DYSF: variants seen among roughly 807,000 people sequenced by gnomAD.
DYSF encodes dysferlin.
In DYSF, 212 loss-of-function variants were observed where a neutral mutation model predicts 274.9. The ratio of observed to expected loss-of-function variants is 0.77; its 90% CI spans 0.69 to 0.86. The LOEUF is 0.86. Ranked by LOEUF, DYSF falls within the 40% of genes least tolerant of loss-of-function variation. The pLI is 0.00. For missense variants in DYSF, 2,666 were observed against 2,783.2 expected, an observed-to-expected ratio of 0.96 and a Z score of 0.95; for synonymous variants, 1,091 against 1,078.7, an observed-to-expected ratio of 1.01 and a Z score of -0.22.
At chr2:71,527,454 T>C (rs183304433) in intron 13 of DYSF, among the ~76,000 whole-genome samples, 56 of 152,206 alleles carry the variant, frequency 3.7e-4, no homozygotes, top group Non-Finnish European at 2.5e-4. Context: ...CTAAAACACA[T>C]GCTTAAAAAT....
In DYSF at chr2:71,515,747, A is replaced by G. The variant is rs777785781; in HGVS notation, c.884A>G (p.Asn295Ser). 24 of 1,614,016 alleles carry G rather than the reference A, an allele frequency of 1.5e-5. No homozygotes were observed. Among genetic ancestry groups the G allele is most frequent in the Non-Finnish European group, 1.7e-5 (20 of 1,180,026 alleles). The stretch of plus-strand genomic sequence containing the variant: ...CACAAGGGAAACAGCCCACTCTTCA[A>G]TGAGGTGGGAGACATGGGGCATGAG... ...RIHKGNSPLFNETLFFNLFDS... is the reference protein window; with the variant it reads ...RIHKGNSPLFSETLFFNLFDS... Residue 295 changes from asparagine (N) to serine (S), a missense_variant, in exon 8 of 56, where the codon AAT becomes AGT. Physicochemically the swap from Asn to Ser is conservative, Grantham distance 46. Around this residue, in one of 3 missense-constraint regions of DYSF, gnomAD observed 794 missense variants for 777.1 expected, o/e 1.02. Transcript: ENST00000410020.
At chr2:71,663,419 G>A (rs144634837) in intron 45 of DYSF, among the ~76,000 whole-genome samples, 1 of 152,214 alleles carries the variant, frequency 6.6e-6, no homozygotes, top group Non-Finnish European at 1.5e-5. Flanking sequence ...CACAGGGCAG[G>A]ATTCAGAGCA....
upstream of DYSF, chr2:71,466,578 G>T (rs989365461): frequency 2.6e-6 from 3 of 1,144,088 alleles, no homozygotes; most frequent in Non-Finnish European, 3.3e-6. Context: ...ACAGGCGCCC[G>T]TCTGACCCCT....
At position 71,555,421 on chromosome 2, in the gene DYSF, G is replaced by A. The variant is rs375460567; in HGVS notation, c.2110-544G>A. 5.3e-4 allele frequency among the ~76,000 whole-genome samples: 80 copies of A among 152,308 alleles called. No homozygotes were observed. In the South Asian group the frequency reaches 0.016, roughly 30 times the overall value. ...GGCTGAGGACCCATGGAGAGGGCTG[G>A]AGAAGAGCTCGGTAAGGGCCTGTTT... On this transcript the variant is annotated intron_variant, in intron 21 of 55. Transcript: ENST00000410020.
chr2:71,640,006 C>G (rs1201282587), intron 41 of DYSF, among the ~76,000 whole-genome samples: 1 of 152,226 alleles, frequency 6.6e-6, no homozygotes, highest in Non-Finnish European at 1.5e-5. Context: ...CTCACAATAA[C>G]TGTCAAACTG....
At position 71,664,552 on chromosome 2, in the gene DYSF, C is replaced by T. The variant is rs899629722; in HGVS notation, c.5174+114C>T. On this transcript the variant is annotated intron_variant, in intron 46 of 55. Transcript: ENST00000410020. ...TGTGCCAGCCCTGGGCTTAGCACTT[C>T]CTAGGCATTCTCTCATTGAGTCCAA... 3.2e-5 allele frequency: 42 copies of T among 1,306,660 alleles called. No homozygotes were observed. The Admixed American group carries it at 6.7e-4, about 21-fold the overall frequency. The allele number at this position is 1,306,660 out of a possible 1,614,324, so 80.9% of individuals were successfully genotyped here. A position where few individuals can be genotyped will look rare whatever the true frequency, so the allele number is the denominator to read the frequency against.
intron 1 of DYSF, among the ~76,000 whole-genome samples, chr2:71,474,624 C>A (rs2082268504): frequency 6.6e-6 from 1 of 152,198 alleles, no homozygotes; most frequent in East Asian, 1.9e-4. Flanking sequence ...TCGTTTCTTT[C>A]TTTCTCCTCT....
chr2:71,526,090 A>G, intron 12 of DYSF, 130 bp from the exon 13 acceptor site: 1 of 1,528,702 alleles, frequency 6.5e-7, no homozygotes, highest in Non-Finnish European at 9.0e-7. Flanking sequence ...CGCGGTAGTA[A>G]GTGTCGGAGC....
rs1476328093 is a variant in DYSF, at chr2:71,613,398, C to T, written c.4452C>T (p.Leu1484=). 1.9e-6 allele frequency: 3 copies of T among 1,612,894 alleles called. No individual in the cohort carries two copies. The highest frequency in any genetic ancestry group is 1.7e-5 in the Admixed American group (1 of 59,894). Residue 1484 remains leucine, a synonymous_variant, in exon 40 of 56, where the codon CTC becomes CTT. Transcript: ENST00000410020. ...TCGACATTGATGACAAGGAGCCCCT[C>T]ATCCCCATCCAGGTAGGATGGGCAT... The part of the protein sequence containing the change: ...VLIDIDDKEP[L]IPIQLADGLS...
chr2:71,493,372 TG>T (rs1388891614), intron 3 of DYSF, among the ~76,000 whole-genome samples: 1 of 152,248 alleles, frequency 6.6e-6, no homozygotes, highest in Non-Finnish European at 1.5e-5. Flanking sequence ...CCTTAGTCTT[TG>T]TCTTTCATGA....
intron 43 of DYSF, 40 bp downstream of exon 43, chr2:71,656,330 G>T (rs2094769759): frequency 1.2e-6 from 2 of 1,612,014 alleles, no homozygotes; most frequent in South Asian, 1.1e-5. Flanking sequence ...GTGGGCCTAA[G>T]ACTGTGGTGT....
intron 35 of DYSF, 45 bp from the exon 36 acceptor site, chr2:71,602,730 CT>C (rs748712213): frequency 6.2e-7 from 1 of 1,606,186 alleles, no homozygotes; most frequent in South Asian, 1.1e-5. Context: ...CTTCCAACCC[CT>C]CTCACCATCT....
rs2087184647 is a variant in DYSF, at chr2:71,520,842, G to A, written c.1087G>A (p.Ala363Thr). The change falls in exon 12 of 56, where the codon GCT becomes ACT. Residue 363 changes from alanine to threonine, a missense_variant. Coordinates refer to ENST00000410020, the MANE Select transcript of DYSF (RefSeq NM_001130987.2). ...GCTCTCAGACCCTGATGACTTCTCT[G>A]CTGGGGCCAGAGGCTACCTGAAAAC... ...LLLSDPDDFS[A>T]GARGYLKTSL... 1 of 1,614,118 alleles carries A rather than the reference G, an allele frequency of 6.2e-7. No individual in the cohort carries two copies. Among genetic ancestry groups the A allele is most frequent in the African/African-American group, 1.3e-5 (1 of 75,026 alleles).
intron 30 of DYSF, among the ~76,000 whole-genome samples, chr2:71,581,275 C>T (rs1343144978): frequency 6.6e-6 from 1 of 152,234 alleles, no homozygotes; most frequent in Non-Finnish European, 1.5e-5. Context: ...TGATTCCACC[C>T]TCAGCTCCCC....
In DYSF at chr2:71,665,317, A is replaced by C; in HGVS notation, c.5317+13A>C. 1 of 1,614,068 alleles carries C rather than the reference A, an allele frequency of 6.2e-7. No homozygotes were observed. Among genetic ancestry groups the C allele is most frequent in the Non-Finnish European group, 8.5e-7 (1 of 1,179,960 alleles). On this transcript the variant is annotated intron_variant, in intron 47 of 55. Transcript: ENST00000410020. ...ATTGAAGAGATAGGTGAGCTGCCAC[A>C]TGACCCCAAACCATGGTGGGCTCTC... is the stretch of plus-strand genomic sequence containing the variant.
chr2:71,605,397 A>AGGGCACACACATGC (rs1211723110), intron 36 of DYSF, among the ~76,000 whole-genome samples: 52 of 152,308 alleles, frequency 3.4e-4, no homozygotes, highest in African/African-American at 1.2e-3. Flanking sequence ...TACACTCTCG[A>AGGGCACACACATGC]GGGCACACAC....
At chr2:71,678,899 G>A (rs1214579435) in intron 52 of DYSF, among the ~76,000 whole-genome samples, 158 bp from the exon 53 acceptor site, 4 of 152,166 alleles carry the variant, frequency 2.6e-5, no homozygotes, top group Non-Finnish European at 5.9e-5. Flanking sequence ...AATGGGTAGG[G>A]AGGTGGAGAG....
chr2:71,472,468 G>A (rs550488515), intron 1 of DYSF, among the ~76,000 whole-genome samples: 7 of 151,984 alleles, frequency 4.6e-5, no homozygotes, highest in Admixed American at 2.0e-4. Context: ...GTGGAGTGGC[G>A]CGATCTCGGC....
chr2:71,560,420 C>CCAGCACAGGGCTCCGGCCCAGGCCCCCCA (rs894422509), intron 22 of DYSF, among the ~76,000 whole-genome samples: 26 of 150,000 alleles, frequency 1.7e-4, no homozygotes, highest in Admixed American at 2.6e-4. Context: ...CAGGCAGGCC[C>CCAGCACAGGGCTCCGGCCCAGGCCCCCCA]CCGCCCCGCT....
Sources: gnomAD v4.1 joint callset for allele counts (sites outside exome capture counted in the v4.1 genomes callset) on GRCh38, gnomAD v4.1.1 for gene constraint, gnomAD v4.1.1 regional missense constraint, MANE v1.5 for transcripts, NCBI Gene and HGNC (gene_info 2026-07-23, HGNC 2026-07-21) for gene names.